The following PTPN2 variants were observed in gnomAD, a reference collection of about 807,000 sequenced individuals.
PTPN2 encodes tyrosine-protein phosphatase non-receptor type 2.
A neutral mutation model predicts 57.3 loss-of-function variants in PTPN2; 19 were observed. The ratio of observed to expected loss-of-function variants is 0.33; its 90% CI spans 0.23 to 0.49. The LOEUF is 0.49. PTPN2 is among the 20% of genes least tolerant of loss of function. The pLI, the probability that PTPN2 is intolerant of heterozygous loss-of-function variation, is 0.99. For missense variants in PTPN2, 358 were observed against 501.1 expected, an observed-to-expected ratio of 0.71 and a Z score of 2.73; for synonymous variants, 153 against 164.9, an observed-to-expected ratio of 0.93 and a Z score of 0.55.
chr18:12,864,588 C>A (rs896332142), intron 1 of PTPN2, among the ~76,000 whole-genome samples: 1 of 151,846 alleles, frequency 6.6e-6, no homozygotes, highest in African/African-American at 2.4e-5. Context: ...TTAGTAGAGA[C>A]GGGGTTTCAC....
chr18:12,805,185 G>A (rs2041595040), intron 7 of PTPN2, among the ~76,000 whole-genome samples: 1 of 152,070 alleles, frequency 6.6e-6, no homozygotes, highest in South Asian at 2.1e-4. Context: ...GGCTGGGCGT[G>A]GTGGTTCATG....
chr18:12,811,901 C>A (rs989343168), intron 7 of PTPN2, among the ~76,000 whole-genome samples: 9 of 152,156 alleles, frequency 5.9e-5, no homozygotes, highest in African/African-American at 1.4e-4. Context: ...GCCATGCCCC[C>A]CACACAATGC....
Position 12,794,090 on chromosome 18 carries a change from G to A in PTPN2, c.*188C>T. 1 of 1,431,494 alleles carries A rather than the reference G, an allele frequency of 7.0e-7. No homozygotes were observed. Among genetic ancestry groups the A allele is most frequent in the Non-Finnish European group, 9.1e-7 (1 of 1,099,178 alleles). 88.7% of individuals were successfully genotyped at this position (1,431,494 alleles called of 1,614,324 possible). Reference sequence around the variant, plus strand: ...TTTAGACAGCCATTTACAGTTTGGGGTTCAGAGGAACCTGCAGTCAAGAGT... The same window carrying A: ...TTTAGACAGCCATTTACAGTTTGGGATTCAGAGGAACCTGCAGTCAAGAGT... On this transcript the variant is annotated 3_prime_UTR_variant, in exon 9 of 9. Coordinates refer to ENST00000309660, the MANE Select transcript of PTPN2 (RefSeq NM_002828.4).
At chr18:12,859,289 T>C (rs772324559) in intron 1 of PTPN2, 35 bp from the exon 2 acceptor site, 15 of 1,421,592 alleles carry the variant, frequency 1.1e-5, no homozygotes, top group Non-Finnish European at 1.4e-5. Context: ...AATATCCCTC[T>C]TAAATTCTCC....
chr18:12,870,741 C>T (rs886524464), intron 1 of PTPN2, among the ~76,000 whole-genome samples: 5 of 151,526 alleles, frequency 3.3e-5, no homozygotes, highest in African/African-American at 9.7e-5. Flanking sequence ...GATCTCCTGA[C>T]CTCATGATCC....
chr18:12,796,413 C>T (rs1388844350), intron 8 of PTPN2, among the ~76,000 whole-genome samples: 1 of 152,018 alleles, frequency 6.6e-6, no homozygotes, highest in Non-Finnish European at 1.5e-5. Context: ...ATTAAAAAAG[C>T]TATATGGTGA....
chr18:12,845,012 T>C (rs973683579), intron 2 of PTPN2, among the ~76,000 whole-genome samples: 1 of 152,238 alleles, frequency 6.6e-6, no homozygotes, highest in South Asian at 2.1e-4. Context: ...CACTGACTTA[T>C]GTATTTATCC....
chr18:12,873,368 G>A (rs1418796995), intron 1 of PTPN2, among the ~76,000 whole-genome samples: 4 of 152,066 alleles, frequency 2.6e-5, no homozygotes, highest in African/African-American at 4.8e-5. Flanking sequence ...CTGCCATCTC[G>A]GCTCACTGCA....
intron 1 of PTPN2, among the ~76,000 whole-genome samples, chr18:12,873,567 G>A (rs2044351322): frequency 6.6e-6 from 1 of 152,244 alleles, no homozygotes; most frequent in African/African-American, 2.4e-5. Flanking sequence ...CGGGATTGCA[G>A]ACGGTGTCTG....
chr18:12,822,211 AT>A (rs1397945767), intron 5 of PTPN2, among the ~76,000 whole-genome samples: 5 of 152,114 alleles, frequency 3.3e-5, no homozygotes, highest in South Asian at 2.1e-4. Flanking sequence ...TGTTTAAACT[AT>A]TTTGAACCAA....
At chr18:12,836,951 T>C (rs563126918) in intron 2 of PTPN2, 60 bp from the exon 3 acceptor site, 2 of 997,016 alleles carry the variant, frequency 2.0e-6, no homozygotes, top group Admixed American at 2.0e-5. Flanking sequence ...TTTATCTTCA[T>C]ATTAATATTC....
At chr18:12,838,152 A>C (rs1448750332) in intron 2 of PTPN2, among the ~76,000 whole-genome samples, 2 of 152,258 alleles carry the variant, frequency 1.3e-5, no homozygotes, top group Non-Finnish European at 2.9e-5. Flanking sequence ...ACATGATTTT[A>C]AAATTAAAGT....
At chr18:12,878,240 C>T (rs2044556873) in intron 1 of PTPN2, among the ~76,000 whole-genome samples, 1 of 151,118 alleles carries the variant, frequency 6.6e-6, no homozygotes, top group Non-Finnish European at 1.5e-5. Context: ...TGTCTAAAGC[C>T]CAAGAGGTCG....
chr18:12,866,405 T>C (rs2145496468), intron 1 of PTPN2, among the ~76,000 whole-genome samples: 1 of 151,896 alleles, frequency 6.6e-6, no homozygotes, highest in South Asian at 2.1e-4. Context: ...ACCACTGCAC[T>C]CCAGCCTAGG....
In PTPN2 at chr18:12,797,179, G is replaced by A. The variant is rs11872144; in HGVS notation, c.1041-2694C>T. Reference sequence around the variant, plus strand: ...CAAAATATGTATAAAAACAGAGAGGGGGTTAGCCTCCCATGGGCCCTTTAT... The same window carrying A: ...CAAAATATGTATAAAAACAGAGAGGAGGTTAGCCTCCCATGGGCCCTTTAT... On this transcript the variant is annotated intron_variant, in intron 8 of 8. Transcript: ENST00000309660. 4.9e-3 allele frequency among the ~76,000 whole-genome samples: 747 copies of A among 152,276 alleles called. 11 individuals are homozygous for A. Among genetic ancestry groups the A allele is most frequent in the African/African-American group, 0.017 (712 of 41,554 alleles).
intron 4 of PTPN2, among the ~76,000 whole-genome samples, chr18:12,827,053 A>G (rs1177262436): frequency 6.6e-6 from 1 of 152,060 alleles, no homozygotes; most frequent in East Asian, 1.9e-4. Flanking sequence ...CTTCAAAATA[A>G]ATGTTGCTGG....
At chr18:12,821,510 C>G (rs891534845) in intron 5 of PTPN2, 1 of 152,230 alleles carries the variant, frequency 6.6e-6, no homozygotes, top group African/African-American at 2.4e-5. Flanking sequence ...AGTTGAGTCT[C>G]TCATCAATTT....
chr18:12,840,993 A>T, intron 2 of PTPN2: 2 of 1,429,902 alleles, frequency 1.4e-6, no homozygotes, highest in Non-Finnish European at 1.8e-6. Flanking sequence ...TTTTTAGTCA[A>T]CAAACATATT....
chr18:12,841,047 C>CTTTTAAAACAAACCTTTTTTTTTTG, intron 2 of PTPN2: 1 of 1,306,790 alleles, frequency 7.7e-7, no homozygotes, highest in Non-Finnish European at 1.0e-6. Context: ...TTGTTTGAAG[C>CTTTTAAAACAAACCTTTTTTTTTTG]TTTTAAAAAG....
Sources: allele counts gnomAD v4.1 joint callset (sites outside exome capture counted in the v4.1 genomes callset), GRCh38; gene constraint gnomAD v4.1.1; transcripts MANE v1.5; gene names NCBI Gene and HGNC (gene_info 2026-07-23, HGNC 2026-07-21).